Variants in MTR observed in about 807,000 individuals in gnomAD.
MTR encodes the protein 5-methyltetrahydrofolate-homocysteine methyltransferase.
Under a neutral mutation model 154.8 loss-of-function variants are expected in MTR, and 84 were observed. The ratio of observed to expected loss-of-function variants is 0.54; its 90% CI spans 0.45 to 0.65. The LOEUF is 0.65. MTR is among the 30% of genes least tolerant of loss of function. The pLI is 0.00. For synonymous variants in MTR, 554 were observed against 553.9 expected, an observed-to-expected ratio of 1.00 and a Z score of 0.00; for missense variants, 1,275 against 1,570.2, an observed-to-expected ratio of 0.81 and a Z score of 3.18.
In MTR at chr1:236,861,108, T is replaced by C. The variant is rs1230089234; in HGVS notation, c.2044-17T>C. ...CTTTCTTTCTTTTTCTTTTTTTTTT[T>C]TTTTTGTCTTTTTTAGGGCATTGAA... is the stretch of plus-strand genomic sequence containing the variant. On this transcript the variant is annotated splice_polypyrimidine_tract_variant and intron_variant, in intron 19 of 32. Coordinates refer to ENST00000366577, the MANE Select transcript of MTR (RefSeq NM_000254.3). The C allele has an allele frequency of 4.8e-5, 73 of 1,518,062 alleles. No homozygotes were observed. The highest frequency in any genetic ancestry group is 6.3e-5 in the Non-Finnish European group (72 of 1,139,378). 94.0% of individuals were successfully genotyped at this position (1,518,062 alleles called of 1,614,324 possible). A position where few individuals can be genotyped will look rare whatever the true frequency, so the allele number is the denominator to read the frequency against.
intron 28 of MTR, among the ~76,000 whole-genome samples, chr1:236,890,362 T>C (rs3768154): frequency 0.062 from 9,361 of 152,200 alleles, 818 homozygotes; most frequent in East Asian, 0.2. Flanking sequence ...TGGCTCCCAC[T>C]GCAGGTCCGG....
intron 15 of MTR, among the ~76,000 whole-genome samples, chr1:236,844,063 A>C (rs1430783339): frequency 6.6e-6 from 1 of 152,190 alleles, no homozygotes; most frequent in East Asian, 1.9e-4. Context: ...TTAGAGCCAC[A>C]GTGCTTAGGG....
chr1:236,822,811 G>T (rs867095623), intron 8 of MTR, among the ~76,000 whole-genome samples: 1 of 152,088 alleles, frequency 6.6e-6, no homozygotes, highest in East Asian at 1.9e-4. Flanking sequence ...TTTCCAATCC[G>T]TATGTGTACC....
At position 236,898,495 on chromosome 1, in the gene MTR, G is replaced by T. The variant is rs1337625514; in HGVS notation, c.*851G>T. 6 of 151,750 alleles carry T rather than the reference G, an allele frequency of 4.0e-5. No homozygotes were observed. Among genetic ancestry groups the T allele is most frequent in the African/African-American group, 1.5e-4 (6 of 41,254 alleles). The allele number at this position is 151,750 out of a possible 1,614,324, so 9.4% of individuals were successfully genotyped here. A position where few individuals can be genotyped will look rare whatever the true frequency, so the allele number is the denominator to read the frequency against. Reference sequence around the variant, plus strand: ...GCTCATAGCAAGCTCCGCCTCCTGGGTTCATGCCATTCTCCTGCCTCAGCC... The same window carrying T: ...GCTCATAGCAAGCTCCGCCTCCTGGTTTCATGCCATTCTCCTGCCTCAGCC... On this transcript the variant is annotated 3_prime_UTR_variant, in exon 33 of 33. Coordinates refer to ENST00000366577, the MANE Select transcript of MTR (RefSeq NM_000254.3).
At chr1:236,889,102 G>A (rs1276386930) in intron 27 of MTR, 79 bp from the exon 28 acceptor site, 8 of 1,558,398 alleles carry the variant, frequency 5.1e-6, no homozygotes, top group Non-Finnish European at 5.3e-6. Flanking sequence ...AGTTGGCAGA[G>A]CAGTGAGGAG....
Position 236,815,691 on chromosome 1 carries a change from A to AG in MTR, c.669+28_669+29insG, listed in dbSNP as rs367870486. ...AAGTTCTAAAGTGTTTGCACAATACATTCTTTTATTAATAATTGTCCTTTT... is the reference window on the plus strand; with the variant it reads ...AAGTTCTAAAGTGTTTGCACAATACAGTTCTTTTATTAATAATTGTCCTTTT... On this transcript the variant is annotated intron_variant, in intron 7 of 32. Coordinates refer to ENST00000366577, the MANE Select transcript of MTR (RefSeq NM_000254.3). The AG allele has an allele frequency of 1.0e-5, 14 of 1,396,988 alleles. No individual in the cohort carries two copies. The African/African-American group carries it at 1.7e-4, about 17-fold the overall frequency. 86.5% of individuals were successfully genotyped at this position (1,396,988 alleles called of 1,614,324 possible). A position where few individuals can be genotyped will look rare whatever the true frequency, so the allele number is the denominator to read the frequency against.
intron 1 of MTR, chr1:236,800,425 G>A: frequency 3.0e-6 from 3 of 985,394 alleles, no homozygotes; most frequent in Non-Finnish European, 3.6e-6. Context: ...TCATTTCAGG[G>A]AGAATTGCAG....
At chr1:236,816,305 A>C (rs1572202927) in intron 7 of MTR, 144 bp from the exon 8 acceptor site, 1 of 734,546 alleles carries the variant, frequency 1.4e-6, no homozygotes, top group East Asian at 2.6e-5. Context: ...CTATTATAGA[A>C]AGTGCCCCCT....
In MTR at chr1:236,813,755, C is replaced by T. The variant is rs544578765; in HGVS notation, c.609+911C>T. Among the ~76,000 whole-genome samples, 20 of 152,154 alleles carry T rather than the reference C, an allele frequency of 1.3e-4. No individual in the cohort carries two copies. The South Asian group carries it at 4.1e-3, about 32-fold the overall frequency. Reference sequence around the variant, plus strand: ...AGTCCTTTACTGAGGAAATCAGGCCCCTCTCAATAATAAGTAGCAGCTCCT... The same window carrying T: ...AGTCCTTTACTGAGGAAATCAGGCCTCTCTCAATAATAAGTAGCAGCTCCT... On this transcript the variant is annotated intron_variant, in intron 6 of 32. Transcript: ENST00000366577.
intron 22 of MTR, among the ~76,000 whole-genome samples, chr1:236,867,320 A>G (rs1664871788): frequency 6.6e-6 from 1 of 152,312 alleles, no homozygotes; most frequent in South Asian, 2.1e-4. Flanking sequence ...CAAAGCCTGG[A>G]TGAGAGCACA....
chr1:236,845,118 C>T (rs1469903880), intron 15 of MTR, among the ~76,000 whole-genome samples: 1 of 152,208 alleles, frequency 6.6e-6, no homozygotes, highest in Non-Finnish European at 1.5e-5. Flanking sequence ...ATATCTAGGA[C>T]ATGGTGGAAC....
chr1:236,802,719 A>G (rs75605278), intron 1 of MTR, among the ~76,000 whole-genome samples: 1,617 of 152,224 alleles, frequency 0.011, 9 homozygotes, highest in Non-Finnish European at 0.017. Context: ...TGTTGGAAGT[A>G]TTGAGGGAGG....
At chr1:236,840,234 T>C (rs1663152460) in intron 15 of MTR, among the ~76,000 whole-genome samples, 2 of 152,244 alleles carry the variant, frequency 1.3e-5, no homozygotes, top group Non-Finnish European at 1.5e-5. Flanking sequence ...TTAACATATA[T>C]TGAACCTTAA....
intron 24 of MTR, among the ~76,000 whole-genome samples, chr1:236,878,580 A>T (rs1046843989): frequency 3.3e-5 from 5 of 152,166 alleles, no homozygotes; most frequent in Non-Finnish European, 7.4e-5. Context: ...GGCCACACAT[A>T]AAATACACTA....
intron 28 of MTR, among the ~76,000 whole-genome samples, chr1:236,890,540 G>A (rs370023225): frequency 3.3e-5 from 5 of 152,176 alleles, no homozygotes; most frequent in African/African-American, 1.2e-4. Flanking sequence ...ATTCTGTGGT[G>A]TCTGGGCCTG....
intron 18 of MTR, among the ~76,000 whole-genome samples, chr1:236,858,807 G>GGTACCTCCA (rs1664355782): frequency 6.6e-6 from 1 of 152,162 alleles, no homozygotes; most frequent in South Asian, 2.1e-4. Context: ...CAGTTGAGGT[G>GGTACCTCCA]GAGAAAACAA....
rs189445214 is a variant in MTR, at chr1:236,878,044, T to C, written c.2595-2711T>C. Among the ~76,000 whole-genome samples, 1,127 of 152,376 alleles carry C rather than the reference T, an allele frequency of 7.4e-3. 3 individuals carry two copies. The highest frequency in any genetic ancestry group is 0.012 in the Non-Finnish European group (807 of 68,034). ...GGGTATTCTGCTTTATTCTTATTGG[T>C]TTGTACACATTCTTTAGTTTATAGT... On this transcript the variant is annotated intron_variant, in intron 24 of 32. Transcript: ENST00000366577.
intron 15 of MTR, among the ~76,000 whole-genome samples, chr1:236,841,465 A>T (rs570333114): frequency 6.6e-6 from 1 of 152,310 alleles, no homozygotes; most frequent in African/African-American, 2.4e-5. Context: ...ATGTAGCCAG[A>T]CACATTAAGA....
At chr1:236,831,694 AT>A (rs1000853442) in intron 12 of MTR, among the ~76,000 whole-genome samples, 5 of 152,076 alleles carry the variant, frequency 3.3e-5, no homozygotes, top group African/African-American at 1.2e-4. Context: ...AGATGGTATG[AT>A]TTGGTCCTTT....
Sources: allele counts gnomAD v4.1 joint callset (sites outside exome capture counted in the v4.1 genomes callset), GRCh38; gene constraint gnomAD v4.1.1; transcripts MANE v1.5; gene names NCBI Gene and HGNC (gene_info 2026-07-23, HGNC 2026-07-21).